Variants in OR10K1 observed in about 807,000 individuals in gnomAD.
OR10K1 encodes olfactory receptor 10K1.
For synonymous variants in OR10K1, 186 were observed against 152.5 expected (o/e 1.22, Z -1.62); for missense variants, 404 against 373.3 (o/e 1.08, Z -0.68).
chr1:158,465,964 C>T lies in OR10K1; in HGVS notation c.403C>T (p.Leu135Phe). ...CTGTAACCCACTGCGCTACTCAGTGCTCATGGGACATGGGGTGTGTATGGG... is the reference window on the plus strand; with the variant it reads ...CTGTAACCCACTGCGCTACTCAGTGTTCATGGGACATGGGGTGTGTATGGG... ...AICNPLRYSV[L>F]MGHGVCMGLM... Residue 135 changes from leucine (L) to phenylalanine (F), a missense_variant, in exon 2 of 2, where the codon CTC (leucine) becomes TTC (phenylalanine). Coordinates refer to ENST00000641535, the MANE Select transcript of OR10K1 (RefSeq NM_001004473.2). The T allele has an allele frequency of 1.9e-6, 3 of 1,614,164 alleles. No individual in the cohort carries two copies. Among genetic ancestry groups the T allele is most frequent in the South Asian group, 1.1e-5 (1 of 91,082 alleles).
At chr1:158,464,600 G>T (rs1037035380) in intron 1 of OR10K1, among the ~76,000 whole-genome samples, 6 of 151,952 alleles carry the variant, frequency 3.9e-5, no homozygotes, top group South Asian at 4.2e-4. Context: ...CCTGAAAGAA[G>T]AATTTTTTTC....
intron 1 of OR10K1, among the ~76,000 whole-genome samples, chr1:158,462,754 A>C (rs1655951643): frequency 6.6e-6 from 1 of 152,066 alleles, no homozygotes; most frequent in African/African-American, 2.4e-5. Flanking sequence ...ACACGTGAAA[A>C]CTCTGTAGAT....
In OR10K1 at chr1:158,465,980, T is replaced by G. The variant is rs1345289701; in HGVS notation, c.419T>G (p.Val140Gly). ...LRYSVLMGHG[V>G]CMGLMAAACA... Reference sequence around the variant, plus strand: ...TACTCAGTGCTCATGGGACATGGGGTGTGTATGGGACTAATGGCTGCTGCC... The same window carrying G: ...TACTCAGTGCTCATGGGACATGGGGGGTGTATGGGACTAATGGCTGCTGCC... Residue 140 changes from valine to glycine, a missense_variant, in exon 2 of 2, where the codon GTG (valine) becomes GGG (glycine). Transcript: ENST00000641535. 6.2e-7 allele frequency: 1 copy of G among 1,614,040 alleles called. No individual in the cohort carries two copies. Among genetic ancestry groups the G allele is most frequent in the East Asian group, 2.2e-5 (1 of 44,870 alleles).
chr1:158,465,467 A>C lies in OR10K1; in HGVS notation c.-95A>C. ...ATATCTGGAAATGCCTGCCACCTGC[A>C]AACTTTGTGTGAAATTTCCCGTACA... On this transcript the variant is annotated 5_prime_UTR_variant, in exon 2 of 2. Transcript: ENST00000641535. The C allele has an allele frequency of 1.1e-6, 1 of 945,720 alleles. No homozygotes were observed. The highest frequency in any genetic ancestry group is 1.7e-5 in the South Asian group (1 of 59,272). The allele number at this position is 945,720 out of a possible 1,614,324, so 58.6% of individuals were successfully genotyped here.
At chr1:158,462,919 C>G (rs1655954659) in intron 1 of OR10K1, among the ~76,000 whole-genome samples, 1 of 152,118 alleles carries the variant, frequency 6.6e-6, no homozygotes, top group East Asian at 1.9e-4. Flanking sequence ...TTCATACGTT[C>G]TAAAATATCA....
rs1474898793 is a variant in OR10K1 at position 158,465,681 on chromosome 1, C to T, written c.120C>T (p.Gly40=). ...TGCTCCTCTACCTGTTCACTCTGGG[C>T]ACCAATGCAATCATCATTTCCACCA... ...IFLLLYLFTL[G]TNAIIISTIV... Residue 40 remains glycine (G), a synonymous_variant, in exon 2 of 2, where the codon GGC becomes GGT. Coordinates refer to ENST00000641535, the MANE Select transcript of OR10K1 (RefSeq NM_001004473.2). 3.0e-5 allele frequency: 49 copies of T among 1,614,062 alleles called. No individual in the cohort carries two copies. The highest frequency in any genetic ancestry group is 4.2e-5 in the Non-Finnish European group (49 of 1,180,026).
chr1:158,465,538 C>T lies in OR10K1; in HGVS notation c.-24C>T. On this transcript the variant is annotated 5_prime_UTR_variant, in exon 2 of 2. Transcript: ENST00000641535. ...TCCTGGTTTCTACCTCTGTCCCTGACTCTCCTTTATAGAAGTGCTCTCCAT... is the reference window on the plus strand; with the variant it reads ...TCCTGGTTTCTACCTCTGTCCCTGATTCTCCTTTATAGAAGTGCTCTCCAT... The T allele has an allele frequency of 1.9e-6, 3 of 1,584,902 alleles. No individual in the cohort carries two copies. The highest frequency in any genetic ancestry group is 1.7e-4 in the Middle Eastern group (1 of 5,982).
intron 1 of OR10K1, among the ~76,000 whole-genome samples, chr1:158,463,212 A>T (rs760884955): frequency 7.2e-5 from 11 of 152,116 alleles, no homozygotes; most frequent in Non-Finnish European, 1.3e-4. Flanking sequence ...ACATCACCCT[A>T]AAGATCTTTC....
chr1:158,464,481 C>A (rs186122472), intron 1 of OR10K1, among the ~76,000 whole-genome samples: 7 of 152,192 alleles, frequency 4.6e-5, no homozygotes, highest in Admixed American at 4.6e-4. Context: ...CTACAAAACT[C>A]TTATTTCTCT....
In OR10K1 at chr1:158,466,455, A is replaced by C; in HGVS notation, c.894A>C (p.Lys298Asn). 1 of 1,614,112 alleles carries C rather than the reference A, an allele frequency of 6.2e-7. No homozygotes were observed. The highest frequency in any genetic ancestry group is 1.1e-5 in the South Asian group (1 of 91,064). The change falls in exon 2 of 2, where the codon AAA becomes AAC. Residue 298 changes from lysine to asparagine, a missense_variant. By Grantham distance (94) the Lys-to-Asn change is moderately conservative. Coordinates refer to ENST00000641535, the MANE Select transcript of OR10K1 (RefSeq NM_001004473.2). ...MIYSLRNKEF[K>N]SALRRTIGQT... ...ATAGTCTGAGAAATAAGGAATTCAA[A>C]TCAGCCCTACGAAGAACAATCGGCC...
chr1:158,466,266 C>T lies in OR10K1; in HGVS notation c.705C>T (p.Tyr235=). ...AAATCCCTTCCTCCGTTGGAAGATACAAGACCTTCTCCACCTGTGCCTCCC... is the reference window on the plus strand; with the variant it reads ...AAATCCCTTCCTCCGTTGGAAGATATAAGACCTTCTCCACCTGTGCCTCCC... ...ILKIPSSVGR[Y]KTFSTCASHL... The change falls in exon 2 of 2, where the codon TAC becomes TAT. Residue 235 remains tyrosine (Y), a synonymous_variant. Coordinates refer to ENST00000641535, the MANE Select transcript of OR10K1 (RefSeq NM_001004473.2). 1.9e-6 allele frequency: 3 copies of T among 1,614,122 alleles called. No individual in the cohort carries two copies. The highest frequency in any genetic ancestry group is 2.5e-6 in the Non-Finnish European group (3 of 1,179,976).
intron 1 of OR10K1, 89 bp from the exon 2 acceptor site, chr1:158,465,317 A>C: frequency 1.8e-6 from 1 of 541,928 alleles, no homozygotes; most frequent in South Asian, 2.5e-5. Context: ...ATCCTTGGTC[A>C]GAGAGATAAC....
At position 158,466,012 on chromosome 1, in the gene OR10K1, T is replaced by C; in HGVS notation, c.451T>C (p.Cys151Arg). The C allele has an allele frequency of 6.2e-7, 1 of 1,614,132 alleles. No individual in the cohort carries two copies. The highest frequency in any genetic ancestry group is 2.2e-5 in the East Asian group (1 of 44,870). The change falls in exon 2 of 2, where the codon TGT becomes CGT. Residue 151 changes from cysteine (C) to arginine (R), a missense_variant. Cys to Arg is a radical substitution (Grantham distance 180). Transcript: ENST00000641535. ...GGGACTAATGGCTGCTGCCTGTGCC[T>C]GTGGCTTCACTGTCTCCCTGGTCAC... ...CMGLMAAACA[C>R]GFTVSLVTTS...
At position 158,466,434 on chromosome 1, in the gene OR10K1, T is replaced by C; in HGVS notation, c.873T>C (p.Ser291=). The part of the protein sequence containing the change: ...LTPLFNPMIY[S]LRNKEFKSAL... ...CATTGTTCAATCCAATGATTTATAG[T>C]CTGAGAAATAAGGAATTCAAATCAG... The change falls in exon 2 of 2, where the codon AGT becomes AGC. Residue 291 remains serine, a synonymous_variant. Coordinates refer to ENST00000641535, the MANE Select transcript of OR10K1 (RefSeq NM_001004473.2). 1.2e-6 allele frequency: 2 copies of C among 1,614,064 alleles called. No homozygotes were observed. Among genetic ancestry groups the C allele is most frequent in the Non-Finnish European group, 8.5e-7 (1 of 1,179,968 alleles).
intron 1 of OR10K1, among the ~76,000 whole-genome samples, chr1:158,465,152 A>G (rs991800803): frequency 3.3e-5 from 5 of 152,152 alleles, no homozygotes; most frequent in African/African-American, 1.2e-4. Context: ...ATGTCTGAAT[A>G]TTATTCATTC....
At position 158,465,786 on chromosome 1, in the gene OR10K1, T is replaced by A; in HGVS notation, c.225T>A (p.Phe75Leu). Residue 75 changes from phenylalanine to leucine, a missense_variant, in exon 2 of 2, where the codon TTT becomes TTA. Physicochemically the swap from Phe to Leu is conservative, Grantham distance 22. Coordinates refer to ENST00000641535, the MANE Select transcript of OR10K1 (RefSeq NM_001004473.2). ...CTTGCTCTGAGATTTGCTATACCTT[T>A]GTCATTGTACCCAAGATGCTGGTTG... ...ILSCSEICYT[F>L]VIVPKMLVDL... is the part of the protein sequence containing the mutation. 6.2e-7 allele frequency: 1 copy of A among 1,614,220 alleles called. No individual in the cohort carries two copies. Among genetic ancestry groups the A allele is most frequent in the South Asian group, 1.1e-5 (1 of 91,086 alleles).
Position 158,466,315 on chromosome 1 carries a change from T to C in OR10K1, c.754T>C (p.Tyr252His), listed in dbSNP as rs143671560. Residue 252 changes from tyrosine (Y) to histidine (H), a missense_variant, in exon 2 of 2, where the codon TAC becomes CAC. Tyr to His is a moderately conservative substitution (Grantham distance 83). Transcript: ENST00000641535. ...CCATCTCATTGTGGTAACTGTTCACTACAGTTGTGCCTCTTTCATCTACTT... is the reference window on the plus strand; with the variant it reads ...CCATCTCATTGTGGTAACTGTTCACCACAGTTGTGCCTCTTTCATCTACTT... ...ASHLIVVTVH[Y>H]SCASFIYLRP... 6.2e-7 allele frequency: 1 copy of C among 1,614,092 alleles called. No individual in the cohort carries two copies. Among genetic ancestry groups the C allele is most frequent in the Non-Finnish European group, 8.5e-7 (1 of 1,179,916 alleles).
chr1:158,465,890 C>G lies in OR10K1; in HGVS notation c.329C>G (p.Ser110Cys), dbSNP rs868376672. The change falls in exon 2 of 2, where the codon TCT becomes TGT. Residue 110 changes from serine to cysteine, a missense_variant. Transcript: ENST00000641535. ...TTTTCCTTCCTCTTCTTTGGCTCCT[C>G]TCACTCCTTCCTGCTGGCAGCCATG... Reference protein sequence around the residue: ...QMFSFLFFGSSHSFLLAAMGY... With the variant: ...QMFSFLFFGSCHSFLLAAMGY... 1 of 1,614,072 alleles carries G rather than the reference C, an allele frequency of 6.2e-7. No individual in the cohort carries two copies. The highest frequency in any genetic ancestry group is 1.3e-5 in the African/African-American group (1 of 74,930).
intron 1 of OR10K1, among the ~76,000 whole-genome samples, chr1:158,463,701 C>A (rs1278159270): frequency 6.6e-6 from 1 of 152,042 alleles, no homozygotes; most frequent in Non-Finnish European, 1.5e-5. Flanking sequence ...TAAGCAATGA[C>A]CATAAGTTTA....
Sources: gnomAD v4.1 joint callset for allele counts (sites outside exome capture counted in the v4.1 genomes callset) on GRCh38, gnomAD v4.1.1 for gene constraint, MANE v1.5 for transcripts, NCBI Gene and HGNC (gene_info 2026-07-23, HGNC 2026-07-21) for gene names.